FBLN5: variants seen among roughly 807,000 people sequenced by gnomAD.
FBLN5 encodes fibulin 5.
In FBLN5, 24 loss-of-function variants were observed where a neutral mutation model predicts 61.6. That is an observed-to-expected ratio of 0.39 (90% CI 0.28 to 0.55). The LOEUF is 0.55. FBLN5 is among the 20% of genes least tolerant of loss of function. The pLI is 0.65. For missense variants in FBLN5, 470 were observed against 594.1 expected (o/e 0.79, Z 2.17); for synonymous variants, 213 against 219.8 (o/e 0.97, Z 0.27).
Position 91,943,036 on chromosome 14 carries a change from CGTG to C in FBLN5, c.18-78_18-76del. On this transcript the variant is annotated intron_variant, in intron 1 of 10. Transcript: ENST00000342058. This position sits in a 1 kb window ranked among gnomAD's most constrained non-coding sequence, Gnocchi z 4.0. ...AGGGGAGTGTGGGTCGCATGCGGCC[CGTG>C]ACGTGTAACGGTGATATCACCTTGG... The C allele has an allele frequency of 5.2e-6, 5 of 968,834 alleles. No homozygotes were observed. Among genetic ancestry groups the C allele is most frequent in the Non-Finnish European group, 6.5e-6 (4 of 615,180 alleles). 60.0% of individuals were successfully genotyped at this position (968,834 alleles called of 1,614,324 possible).
intron 10 of FBLN5, among the ~76,000 whole-genome samples, chr14:91,875,849 C>T (rs1424361857): frequency 6.6e-6 from 1 of 152,192 alleles, no homozygotes; most frequent in African/African-American, 2.4e-5. Flanking sequence ...CTAGTACAGA[C>T]TTTTGACGTG....
chr14:91,932,840 A>C (rs1433355789), intron 4 of FBLN5, among the ~76,000 whole-genome samples: 1 of 152,252 alleles, frequency 6.6e-6, no homozygotes, highest in African/African-American at 2.4e-5. Flanking sequence ...AGTAAAGACT[A>C]AAAGACATTT....
chr14:91,887,815 G>A (rs998802593), intron 6 of FBLN5, among the ~76,000 whole-genome samples: 1 of 152,112 alleles, frequency 6.6e-6, no homozygotes, highest in African/African-American at 2.4e-5. Context: ...TCCTTACAAC[G>A]AGGACCATTG....
rs777780190 is a variant in FBLN5 at position 91,877,618 on chromosome 14, C to T, written c.1054G>A (p.Asp352Asn). Residue 352 changes from aspartate to asparagine, a missense_variant, in exon 10 of 11, where the codon GAC (aspartate) becomes AAC (asparagine). Coordinates refer to ENST00000342058, the MANE Select transcript of FBLN5 (RefSeq NM_006329.4). The stretch of plus-strand genomic sequence containing the variant: ...GAGCGTCCTGACACCACGTCCATGT[C>T]CCGGTACAAGATGGTAAAGGGCTGG... ...RDQPFTILYR[D>N]MDVVSGRSVP... is the part of the protein sequence containing the mutation. The T allele has an allele frequency of 6.2e-7, 1 of 1,614,086 alleles. No individual in the cohort carries two copies. The highest frequency in any genetic ancestry group is 1.7e-5 in the Admixed American group (1 of 60,012).
At position 91,882,808 on chromosome 14, in the gene FBLN5, A is replaced by T; in HGVS notation, c.862+146T>A. 4 of 846,818 alleles carry T rather than the reference A, an allele frequency of 4.7e-6. No individual in the cohort carries two copies. Among genetic ancestry groups the T allele is most frequent in the South Asian group, 3.0e-5 (2 of 66,106 alleles). 52.5% of individuals were successfully genotyped at this position (846,818 alleles called of 1,614,324 possible). On this transcript the variant is annotated intron_variant, in intron 8 of 10. Transcript: ENST00000342058. This position sits in a 1 kb window ranked among gnomAD's most constrained non-coding sequence, Gnocchi z 4.9. Reference sequence around the variant, plus strand: ...CATCCTGCCCAGAGCTGCCACTATGAGAGCCACCAGCACCCACTCACACCC... The same window carrying T: ...CATCCTGCCCAGAGCTGCCACTATGTGAGCCACCAGCACCCACTCACACCC...
intron 4 of FBLN5, among the ~76,000 whole-genome samples, chr14:91,903,552 G>C (rs1351944285): frequency 6.6e-6 from 1 of 151,802 alleles, no homozygotes; most frequent in African/African-American, 2.4e-5. Flanking sequence ...CCATCTCCCC[G>C]AGGGCTCCTT....
chr14:91,924,190 G>A (rs896912796), intron 4 of FBLN5, among the ~76,000 whole-genome samples: 1 of 152,132 alleles, frequency 6.6e-6, no homozygotes, highest in African/African-American at 2.4e-5. Flanking sequence ...GGCATAAATG[G>A]GTTAATCTTT....
chr14:91,897,274 C>T (rs1002793607), intron 4 of FBLN5, among the ~76,000 whole-genome samples: 3 of 152,160 alleles, frequency 2.0e-5, no homozygotes, highest in Non-Finnish European at 2.9e-5. Flanking sequence ...CTCTGCCCAC[C>T]GAGCACAGCC....
In FBLN5 at chr14:91,869,807, C is replaced by T. The variant is rs142033919; in HGVS notation, c.*417G>A. On this transcript the variant is annotated 3_prime_UTR_variant, in exon 11 of 11. Transcript: ENST00000342058. ...ACTCCCAGGGTTCCCCGCCAGCTCC[C>T]GGGTCTTTGCAAAGCAGTAACACAG... is the stretch of plus-strand genomic sequence containing the variant. 4.5e-4 allele frequency: 115 copies of T among 256,876 alleles called. 1 individual carries two copies. The highest frequency in any genetic ancestry group is 2.4e-3 in the African/African-American group (107 of 45,102). The allele number at this position is 256,876 out of a possible 1,614,324, so 15.9% of individuals were successfully genotyped here. A position where few individuals can be genotyped will look rare whatever the true frequency, so the allele number is the denominator to read the frequency against.
At chr14:91,894,662 C>T (rs1184667107) in intron 5 of FBLN5, among the ~76,000 whole-genome samples, 2 of 152,076 alleles carry the variant, frequency 1.3e-5, no homozygotes, top group African/African-American at 2.4e-5. Context: ...GCGGAGGTTG[C>T]GGTGAGCCGA....
At position 91,947,434 on chromosome 14, in the gene FBLN5, T is replaced by A. The variant is rs1002330238; in HGVS notation, c.-205A>T. On this transcript the variant is annotated 5_prime_UTR_variant, in exon 1 of 11. Transcript: ENST00000342058. This position sits in a 1 kb window ranked among gnomAD's most constrained non-coding sequence, Gnocchi z 4.3. ...CTGCAGAGCCCTCAGCGCAAGCACCTGGTTTTGCTTAGCCCTCTTCAGTAA... is the reference window on the plus strand; with the variant it reads ...CTGCAGAGCCCTCAGCGCAAGCACCAGGTTTTGCTTAGCCCTCTTCAGTAA... 2 of 646,540 alleles carry A rather than the reference T, an allele frequency of 3.1e-6. No individual in the cohort carries two copies. Among genetic ancestry groups the A allele is most frequent in the African/African-American group, 3.7e-5 (2 of 54,576 alleles). The allele number at this position is 646,540 out of a possible 1,614,324, so 40.1% of individuals were successfully genotyped here.
chr14:91,890,893 C>G lies in FBLN5; in HGVS notation c.619+328G>C, dbSNP rs17805119. ...AACTGAACTTAGGCTACAGGACATG[C>G]AACCAAATTTCTGATTAGGCAAGAA... On this transcript the variant is annotated intron_variant, in intron 6 of 10. Transcript: ENST00000342058. 0.19 allele frequency among the ~76,000 whole-genome samples: 28,803 copies of G among 152,144 alleles called. 3,202 individuals carry two copies. The highest frequency in any genetic ancestry group is 0.33 in the Middle Eastern group (98 of 294).
intron 4 of FBLN5, among the ~76,000 whole-genome samples, chr14:91,922,256 G>T (rs745880173): frequency 2.0e-5 from 3 of 151,506 alleles, no homozygotes; most frequent in Non-Finnish European, 4.4e-5. Context: ...TCGCACCACT[G>T]CACTCCAGCC....
At chr14:91,930,013 T>C (rs1192513272) in intron 4 of FBLN5, among the ~76,000 whole-genome samples, 1 of 152,150 alleles carries the variant, frequency 6.6e-6, no homozygotes, top group African/African-American at 2.4e-5. Context: ...TTGGCAAGAA[T>C]TCAACTTTCA....
Position 91,943,884 on chromosome 14 carries a change from T to G in FBLN5, c.18-923A>C. ...GGGAACCTGCACAGCCCAGGGAAAA[T>G]GAAACCCGCGGGAAAACAGGAGGAG... On this transcript the variant is annotated intron_variant, in intron 1 of 10. Transcript: ENST00000342058. This position sits in a 1 kb window ranked among gnomAD's most constrained non-coding sequence, Gnocchi z 4.0. Among the ~76,000 whole-genome samples the G allele has an allele frequency of 6.6e-6, 1 of 151,868 alleles. No individual in the cohort carries two copies. The highest frequency in any genetic ancestry group is 1.5e-5 in the Non-Finnish European group (1 of 67,972).
intron 4 of FBLN5, among the ~76,000 whole-genome samples, chr14:91,897,348 TCTATGACAATAAATAGTGCCA>T (rs1395666948): frequency 1.5e-4 from 23 of 152,138 alleles, no homozygotes; most frequent in Non-Finnish European, 4.4e-5. Context: ...CACAGTGAAG[TCTATGACAATAAATAGTGCCA>T]CTATCGGCTG....
chr14:91,941,939 C>G (rs768240788), intron 2 of FBLN5: 1 of 351,228 alleles, frequency 2.8e-6, no homozygotes, highest in Non-Finnish European at 5.6e-6. Context: ...ACCGCAAGGT[C>G]TAAAATTCTT....
intron 4 of FBLN5, among the ~76,000 whole-genome samples, chr14:91,904,602 TG>T (rs1890599405): frequency 6.6e-6 from 1 of 152,250 alleles, no homozygotes; most frequent in South Asian, 2.1e-4. Context: ...TTCTCGAGGC[TG>T]GAAGTCCAGG....
chr14:91,918,774 T>C (rs932798275), intron 4 of FBLN5, among the ~76,000 whole-genome samples: 3 of 152,292 alleles, frequency 2.0e-5, no homozygotes, highest in East Asian at 1.9e-4. Context: ...GCAAACATTA[T>C]TGACCCTGTT....
Sources: allele counts gnomAD v4.1 joint callset (sites outside exome capture counted in the v4.1 genomes callset), GRCh38; gene constraint gnomAD v4.1.1; non-coding constraint Gnocchi (gnomAD v3.1); transcripts MANE v1.5; gene names NCBI Gene and HGNC (gene_info 2026-07-23, HGNC 2026-07-21).